Variants in LLGL2 observed in about 807,000 individuals in gnomAD.
The protein encoded by LLGL2 is LLGL scribble cell polarity complex component 2.
A neutral mutation model predicts 123.2 loss-of-function variants in LLGL2; 81 were observed. The observed-to-expected ratio is 0.66, with a 90% CI of 0.55 to 0.79. LLGL2 has a LOEUF of 0.79. Ranked by LOEUF, LLGL2 falls within the 30% of genes least tolerant of loss-of-function variation. The pLI is 0.00. For missense variants in LLGL2, 1,273 were observed against 1,414.6 expected, an observed-to-expected ratio of 0.90 and a Z score of 1.61; for synonymous variants, 577 against 594.1, an observed-to-expected ratio of 0.97 and a Z score of 0.42.
At chr17:75,573,358 C>T (rs1329222617) in intron 20 of LLGL2, 80 bp downstream of exon 20, 8 of 1,552,066 alleles carry the variant, frequency 5.2e-6, no homozygotes, top group East Asian at 2.3e-5. Context: ...GTTGTGGCCA[C>T]GGCCAGACTG....
chr17:75,573,693 A>T, intron 21 of LLGL2, 62 bp downstream of exon 21: 1 of 1,331,104 alleles, frequency 7.5e-7, no homozygotes, highest in Non-Finnish European at 9.9e-7. Flanking sequence ...TCTCTGAGAT[A>T]CCGAGGCTCC....
rs1429039547 is a variant in LLGL2 at position 75,544,085 on chromosome 17, C to T, written c.75+584C>T. On this transcript the variant is annotated intron_variant, in intron 2 of 25. Coordinates refer to ENST00000392550, the MANE Select transcript of LLGL2 (RefSeq NM_001031803.2). This position sits in a 1 kb window ranked among gnomAD's most constrained non-coding sequence, Gnocchi z 4.2. ...ACTACCCCAATCCCAAACCTGTATC[C>T]GGGGTACCAGAAGGCCCACGGGGCT... 1.3e-5 allele frequency among the ~76,000 whole-genome samples: 2 copies of T among 152,134 alleles called. No homozygotes were observed. The highest frequency in any genetic ancestry group is 2.9e-5 in the Non-Finnish European group (2 of 68,014).
At chr17:75,565,063 G>A (rs1180819647) in intron 10 of LLGL2, among the ~76,000 whole-genome samples, 1 of 152,166 alleles carries the variant, frequency 6.6e-6, no homozygotes, top group Non-Finnish European at 1.5e-5. Context: ...TTTCCAGACT[G>A]TAATGGGACT....
At chr17:75,556,624 A>G (rs2054925418) in intron 3 of LLGL2, among the ~76,000 whole-genome samples, 1 of 152,188 alleles carries the variant, frequency 6.6e-6, no homozygotes, top group African/African-American at 2.4e-5. Context: ...GCCAGTGATC[A>G]TTCAGTGAGT....
At chr17:75,562,852 G>T in intron 6 of LLGL2, 164 bp from the exon 7 acceptor site, 1 of 843,816 alleles carries the variant, frequency 1.2e-6, no homozygotes, top group Non-Finnish European at 1.8e-6. Context: ...TTACAGGCAT[G>T]AGCCACCACG....
At chr17:75,526,161 G>T (rs929379655) in intron 1 of LLGL2, among the ~76,000 whole-genome samples, 41 of 152,220 alleles carry the variant, frequency 2.7e-4, no homozygotes, top group African/African-American at 9.4e-4. Context: ...GAGTCCCCGG[G>T]CCCACGTGCA....
chr17:75,564,682 G>C lies in LLGL2; in HGVS notation c.1036+175G>C. The C allele has an allele frequency of 9.4e-7, 1 of 1,068,040 alleles. No individual in the cohort carries two copies. Among genetic ancestry groups the C allele is most frequent in the Non-Finnish European group, 1.3e-6 (1 of 765,770 alleles). The allele number at this position is 1,068,040 out of a possible 1,614,324, so 66.2% of individuals were successfully genotyped here. ...GTTCAAGTCCAGCCTGGACAACGTA[G>C]GGAGACCCTTGTCTCTACAAAAAAT... On this transcript the variant is annotated intron_variant, in intron 10 of 25. Transcript: ENST00000392550. The surrounding 1 kb of genome is among the most constrained non-coding windows in gnomAD (Gnocchi z 4.9).
At chr17:75,554,929 C>T (rs543657571) in intron 2 of LLGL2, among the ~76,000 whole-genome samples, 26 of 144,996 alleles carry the variant, frequency 1.8e-4, no homozygotes, top group African/African-American at 6.6e-4. Flanking sequence ...GGGTGGCTCA[C>T]GCTTGTAATC....
At chr17:75,534,168 G>C (rs919744687) in intron 1 of LLGL2, among the ~76,000 whole-genome samples, 1 of 152,272 alleles carries the variant, frequency 6.6e-6, no homozygotes, top group African/African-American at 2.4e-5. Context: ...TGGAGAGAGA[G>C]TCTGGTGTTG....
rs1162070587 is a variant in LLGL2 at position 75,574,886 on chromosome 17, A to C, written c.*8A>C. The C allele has an allele frequency of 6.2e-7, 1 of 1,613,804 alleles. No homozygotes were observed. Among genetic ancestry groups the C allele is most frequent in the Non-Finnish European group, 8.5e-7 (1 of 1,179,952 alleles). On this transcript the variant is annotated 3_prime_UTR_variant, in exon 26 of 26. Coordinates refer to ENST00000392550, the MANE Select transcript of LLGL2 (RefSeq NM_001031803.2). ...TGTCCTTCAGCAGAGTGAGTGGCTG[A>C]GCGTCCAGGCTGCGCGATGAGCACA...
chr17:75,541,531 C>A (rs1226674069), intron 1 of LLGL2, among the ~76,000 whole-genome samples: 1 of 152,088 alleles, frequency 6.6e-6, no homozygotes, highest in Non-Finnish European at 1.5e-5. Flanking sequence ...CTGCTCTTCC[C>A]CAGCAAAGTG....
At chr17:75,572,907 T>C in intron 19 of LLGL2, 107 bp from the exon 20 acceptor site, 1 of 1,351,018 alleles carries the variant, frequency 7.4e-7, no homozygotes, top group Non-Finnish European at 1.0e-6. Context: ...GCCAAGGGTT[T>C]GTCAGGACAC....
Position 75,551,587 on chromosome 17 carries a change from G to A in LLGL2, c.76-4459G>A, listed in dbSNP as rs532340816. On this transcript the variant is annotated intron_variant, in intron 2 of 25. Coordinates refer to ENST00000392550, the MANE Select transcript of LLGL2 (RefSeq NM_001031803.2). Reference sequence around the variant, plus strand: ...GGCCCAACCCTTTGTCTTCCTCTGAGTTAGAGGAAAGATGCTGAGCCGAAC... The same window carrying A: ...GGCCCAACCCTTTGTCTTCCTCTGAATTAGAGGAAAGATGCTGAGCCGAAC... Among the ~76,000 whole-genome samples the A allele has an allele frequency of 3.0e-4, 46 of 152,266 alleles. 1 individual carries two copies. In the South Asian group the frequency reaches 9.5e-3, roughly 32 times the overall value.
intron 1 of LLGL2, among the ~76,000 whole-genome samples, chr17:75,526,488 A>G (rs1309142195): frequency 6.6e-6 from 1 of 152,180 alleles, no homozygotes; most frequent in Admixed American, 6.5e-5. Context: ...CTTGCCAAAG[A>G]AAGTGTGTCT....
intron 17 of LLGL2, chr17:75,571,458 G>A (rs1265967607): frequency 8.4e-6 from 5 of 592,226 alleles, no homozygotes; most frequent in African/African-American, 3.7e-5. Context: ...TCCAGATGAC[G>A]TGTCTCTCCC....
In LLGL2 at chr17:75,564,451, A is replaced by C. The variant is rs1439652944; in HGVS notation, c.980A>C (p.Asp327Ala). The change falls in exon 10 of 26, where the codon GAC becomes GCC. Residue 327 changes from aspartate to alanine, a missense_variant. Asp to Ala is a moderately radical substitution (Grantham distance 126). Coordinates refer to ENST00000392550, the MANE Select transcript of LLGL2 (RefSeq NM_001031803.2). This position sits in a 1 kb window ranked among gnomAD's most constrained non-coding sequence, Gnocchi z 4.9. ...VIHDGQQTAF[D>A]FTSRVIGFTV... ...CACGATGGCCAGCAGACGGCCTTCG[A>C]CTTCACCTCCCGTGTCATCGGCTTC... 1 of 1,613,460 alleles carries C rather than the reference A, an allele frequency of 6.2e-7. No individual in the cohort carries two copies. The highest frequency in any genetic ancestry group is 1.1e-5 in the South Asian group (1 of 91,080).
At chr17:75,530,649 C>CA (rs35452644) in intron 1 of LLGL2, among the ~76,000 whole-genome samples, 3,698 of 137,222 alleles carry the variant, frequency 0.027, 58 homozygotes, top group Middle Eastern at 0.1. Flanking sequence ...GACTCCATTT[C>CA]AAAAAAAAAA....
At position 75,570,493 on chromosome 17, in the gene LLGL2, G is replaced by A; in HGVS notation, c.2020G>A (p.Gly674Arg). 6.4e-7 allele frequency: 1 copy of A among 1,571,192 alleles called. No homozygotes were observed. The highest frequency in any genetic ancestry group is 1.2e-5 in the South Asian group (1 of 85,924). ...GAAGCGGCACCCGGCTGGCCCCCCA[G>A]GAGAGGTGAGGCCTGAGGTGAGGCT... Reference protein sequence around the residue: ...SRKRHPAGPPGEAQEGSAKAE... With the variant: ...SRKRHPAGPPREAQEGSAKAE... Residue 674 changes from glycine (G) to arginine (R), a missense_variant, in exon 16 of 26, where the codon GGA becomes AGA. Transcript: ENST00000392550.
At chr17:75,538,117 G>C (rs535189011) in intron 1 of LLGL2, among the ~76,000 whole-genome samples, 1 of 152,196 alleles carries the variant, frequency 6.6e-6, no homozygotes, top group Non-Finnish European at 1.5e-5. Context: ...AGCCTGGAAG[G>C]GGGGCCGGGC....
Sources: allele counts gnomAD v4.1 joint callset (sites outside exome capture counted in the v4.1 genomes callset), GRCh38; gene constraint gnomAD v4.1.1; non-coding constraint Gnocchi (gnomAD v3.1); transcripts MANE v1.5; gene names NCBI Gene and HGNC (gene_info 2026-07-23, HGNC 2026-07-21).